Variants in MAOB observed in about 807,000 individuals in gnomAD.
MAOB encodes the protein amine oxidase [flavin-containing] B.
MAOB carries 15 observed loss-of-function variants against 41.9 expected under a neutral mutation model. The observed-to-expected ratio is 0.36, with a 90% confidence interval of 0.24 to 0.55. The LOEUF is 0.55. Ranked by LOEUF, MAOB falls within the 20% of genes least tolerant of loss-of-function variation. The pLI, the probability that MAOB is intolerant of heterozygous loss-of-function variation, is 0.86. For missense variants in MAOB, 345 were observed against 398.7 expected (o/e 0.87, Z 1.15); for synonymous variants, 167 against 144.2 (o/e 1.16, Z -1.13).
intron 1 of MAOB, among the ~76,000 whole-genome samples, chrX:43,868,125 T>C (rs1054287780): frequency 8.9e-6 from 1 of 112,301 alleles, no homozygotes; most frequent in East Asian, 2.8e-4. Flanking sequence ...AAGGAATTTA[T>C]CTATGGGGAA....
At chrX:43,824,984 A>T (rs1414037627) in intron 3 of MAOB, among the ~76,000 whole-genome samples, 3 of 112,587 alleles carry the variant, frequency 2.7e-5, no homozygotes, top group Non-Finnish European at 5.6e-5. Context: ...ACCCAGAGTA[A>T]ATGTCAATGT....
At chrX:43,780,128 A>T (rs1422787246) in intron 10 of MAOB, among the ~76,000 whole-genome samples, 2 of 111,870 alleles carry the variant, frequency 1.8e-5, no homozygotes, top group East Asian at 5.6e-4. Context: ...TATCAGCACT[A>T]TGTCTTTTAC....
At chrX:43,800,849 TA>T (rs2034584026) in intron 5 of MAOB, among the ~76,000 whole-genome samples, 1 of 111,887 alleles carries the variant, frequency 8.9e-6, no homozygotes, top group Admixed American at 9.5e-5. Context: ...CATATATAAA[TA>T]GTTGTTTTTA....
chrX:43,777,256 A>G (rs1364592355), intron 11 of MAOB, among the ~76,000 whole-genome samples: 1 of 111,553 alleles, frequency 9.0e-6, no homozygotes, highest in African/African-American at 3.3e-5. Flanking sequence ...AGAAAAACTA[A>G]TAATTTTTAA....
chrX:43,769,143 G>A (rs1345695928), intron 13 of MAOB, among the ~76,000 whole-genome samples, 164 bp downstream of exon 13: 1 of 111,472 alleles, frequency 9.0e-6, no homozygotes, highest in Non-Finnish European at 1.9e-5. Context: ...ATTACTTCGG[G>A]CTAAGGTGTT....
intron 1 of MAOB, among the ~76,000 whole-genome samples, chrX:43,876,793 G>A (rs1228255034): frequency 8.9e-6 from 1 of 112,526 alleles, no homozygotes; most frequent in Non-Finnish European, 1.9e-5. Flanking sequence ...AGAAAACAGG[G>A]CTTGGAAGCA....
intron 3 of MAOB, among the ~76,000 whole-genome samples, chrX:43,824,830 G>A (rs148533046): frequency 0.019 from 2,133 of 113,297 alleles, 37 homozygotes; most frequent in Admixed American, 0.076. Context: ...ACATGCACAC[G>A]CATGCACACA....
chrX:43,822,396 GT>G (rs1342011309), intron 3 of MAOB, among the ~76,000 whole-genome samples: 1 of 112,137 alleles, frequency 8.9e-6, no homozygotes, highest in African/African-American at 3.2e-5. Flanking sequence ...TAGAAATTGT[GT>G]TGATTTAAAG....
intron 3 of MAOB, among the ~76,000 whole-genome samples, chrX:43,827,319 G>A (rs1048944496): frequency 1.3e-4 from 14 of 111,958 alleles, no homozygotes; most frequent in African/African-American, 3.9e-4. Context: ...GTCAGATGGC[G>A]GTTGGGGCTG....
chrX:43,831,925 A>G (rs1232082825), intron 3 of MAOB, among the ~76,000 whole-genome samples: 1 of 111,905 alleles, frequency 8.9e-6, no homozygotes, highest in Non-Finnish European at 1.9e-5. Flanking sequence ...TGTTGATTAT[A>G]TAATTTTTAC....
intron 8 of MAOB, among the ~76,000 whole-genome samples, chrX:43,782,804 G>A (rs376130976): frequency 3.6e-5 from 4 of 111,518 alleles, no homozygotes; most frequent in African/African-American, 9.8e-5. Context: ...TGATCAAGTC[G>A]GCTTCCTCCC....
At chrX:43,838,026 A>C in intron 3 of MAOB, 1 of 329,952 alleles carries the variant, frequency 3.0e-6, no homozygotes, top group South Asian at 2.6e-5. Context: ...AGAAATCCTC[A>C]GGGGATGCTT....
At chrX:43,867,037 G>C (rs1211611061) in intron 1 of MAOB, among the ~76,000 whole-genome samples, 1 of 112,817 alleles carries the variant, frequency 8.9e-6, no homozygotes, top group Non-Finnish European at 1.9e-5. Flanking sequence ...ACCTGCCTGG[G>C]TTTGAGCCAA....
intron 12 of MAOB, among the ~76,000 whole-genome samples, chrX:43,774,196 G>T (rs897318928): frequency 1.5e-4 from 17 of 111,607 alleles, no homozygotes; most frequent in African/African-American, 5.5e-4. Flanking sequence ...TTCTCATCCT[G>T]TTTAGATTAA....
At chrX:43,789,334 G>A (rs190303232) in intron 8 of MAOB, among the ~76,000 whole-genome samples, 72 of 112,139 alleles carry the variant, frequency 6.4e-4, no homozygotes, top group Admixed American at 2.2e-3. Context: ...GCCCTCTAGG[G>A]GGAGGAACAA....
chrX:43,793,104 C>T lies in MAOB; in HGVS notation c.928+315G>A, dbSNP rs756956355. The stretch of plus-strand genomic sequence containing the variant: ...ACAGAAAACCAAATACCACATGTTC[C>T]CACTTATAAGTGAGAGCTAAGCATG... On this transcript the variant is annotated intron_variant, in intron 8 of 14. Coordinates refer to ENST00000378069, the MANE Select transcript of MAOB (RefSeq NM_000898.5). 5.4e-5 allele frequency among the ~76,000 whole-genome samples: 6 copies of T among 111,651 alleles called. No individual in the cohort carries two copies. The East Asian group carries it at 1.7e-3, about 32-fold the overall frequency.
At chrX:43,829,163 A>G (rs1289977390) in intron 3 of MAOB, among the ~76,000 whole-genome samples, 1 of 112,400 alleles carries the variant, frequency 8.9e-6, no homozygotes, top group Non-Finnish European at 1.9e-5. Flanking sequence ...AAAATGCTCC[A>G]GGTCGCTCTG....
intron 8 of MAOB, among the ~76,000 whole-genome samples, chrX:43,788,850 T>C (rs1194249383): frequency 1.8e-5 from 2 of 111,452 alleles, no homozygotes; most frequent in Non-Finnish European, 3.8e-5. Context: ...ATTTAACATG[T>C]ATTTCCAGTA....
At chrX:43,843,826 G>A in intron 1 of MAOB, 62 bp from the exon 2 acceptor site, 1 of 1,178,708 alleles carries the variant, frequency 8.5e-7, no homozygotes. Flanking sequence ...AGCTCCTCAT[G>A]CTAACAGCCA....
Sources: gnomAD v4.1 joint callset for allele counts (sites outside exome capture counted in the v4.1 genomes callset) on GRCh38, gnomAD v4.1.1 for gene constraint, MANE v1.5 for transcripts, NCBI Gene and HGNC (gene_info 2026-07-23, HGNC 2026-07-21) for gene names.